Variants in ARHGEF7 observed in about 807,000 individuals in gnomAD.
ARHGEF7 encodes the protein Rho guanine nucleotide exchange factor 7.
In ARHGEF7, 33 loss-of-function variants were observed where a neutral mutation model predicts 109.8. That is an observed-to-expected ratio of 0.30 (90% CI 0.23 to 0.40). The LOEUF is 0.40. Among genes scored for constraint, ARHGEF7 ranks in the 10% least tolerant of loss-of-function variants. The probability of loss-of-function intolerance (pLI) is 1.00; values close to 1 mark genes in which losing one functional copy is unlikely to be tolerated. For missense variants in ARHGEF7, 938 were observed against 1,098.5 expected (o/e 0.85, Z 2.07); for synonymous variants, 458 against 424.6 (o/e 1.08, Z -0.97).
At chr13:111,150,340 A>G (rs1376434963) in intron 1 of ARHGEF7, among the ~76,000 whole-genome samples, 1 of 152,138 alleles carries the variant, frequency 6.6e-6, no homozygotes, top group Non-Finnish European at 1.5e-5. Flanking sequence ...CAATTCTTGG[A>G]GTCTTAGGGT....
At chr13:111,295,995 A>G (rs1159825507) in intron 19 of ARHGEF7, among the ~76,000 whole-genome samples, 2 of 152,230 alleles carry the variant, frequency 1.3e-5, no homozygotes, top group Admixed American at 6.5e-5. Flanking sequence ...CATGCACACC[A>G]CACTGGTGCC....
At chr13:111,283,447 TG>T in intron 16 of ARHGEF7, 84 bp downstream of exon 16, 1 of 1,483,850 alleles carries the variant, frequency 6.7e-7, no homozygotes, top group Non-Finnish European at 8.9e-7. Context: ...GGGCCTTCTG[TG>T]TACAGCAAAA....
At chr13:111,116,906 T>C (rs1441104976) in intron 1 of ARHGEF7, among the ~76,000 whole-genome samples, 3 of 152,238 alleles carry the variant, frequency 2.0e-5, no homozygotes, top group African/African-American at 7.2e-5. Context: ...AGAATCTGCA[T>C]ATTAGAGTGA....
At chr13:111,300,362 A>G (rs372677398) in intron 19 of ARHGEF7, among the ~76,000 whole-genome samples, 3 of 152,314 alleles carry the variant, frequency 2.0e-5, no homozygotes, top group South Asian at 2.1e-4. Context: ...CACTCACTGT[A>G]TATGTTCTGA....
intron 5 of ARHGEF7, 68 bp from the exon 6 acceptor site, chr13:111,233,137 T>A: frequency 7.6e-7 from 1 of 1,315,912 alleles, no homozygotes; most frequent in South Asian, 1.2e-5. Flanking sequence ...CCTTGGCCTG[T>A]GTGAGGGGCT....
chr13:111,210,325 A>G (rs1410954896), intron 4 of ARHGEF7, among the ~76,000 whole-genome samples: 1 of 152,234 alleles, frequency 6.6e-6, no homozygotes. Flanking sequence ...ATGCACATGT[A>G]CAGAAATATT....
intron 2 of ARHGEF7, chr13:111,159,129 C>T (rs893573530): frequency 1.5e-5 from 11 of 715,436 alleles, no homozygotes; most frequent in Non-Finnish European, 2.6e-5. Flanking sequence ...TAGGTGAGAT[C>T]GTGCAGTATT....
At chr13:111,294,908 T>C in intron 19 of ARHGEF7, 1 of 985,896 alleles carries the variant, frequency 1.0e-6, no homozygotes, top group East Asian at 1.1e-4. Context: ...TAATAAGCTA[T>C]ATTAATTGTG....
chr13:111,275,702 C>G, intron 12 of ARHGEF7, 24 bp downstream of exon 12: 1 of 1,613,842 alleles, frequency 6.2e-7, no homozygotes, highest in Admixed American at 1.7e-5. Context: ...CATGCACGCA[C>G]CAGGGTTTCT....
intron 5 of ARHGEF7, among the ~76,000 whole-genome samples, chr13:111,226,041 A>G (rs904807588): frequency 4.6e-5 from 7 of 152,240 alleles, no homozygotes; most frequent in Non-Finnish European, 1.0e-4. Flanking sequence ...GAAGGAAATT[A>G]TAAGTGCTAC....
chr13:111,164,570 A>G (rs979991764), intron 2 of ARHGEF7, among the ~76,000 whole-genome samples: 3 of 152,212 alleles, frequency 2.0e-5, no homozygotes, highest in Non-Finnish European at 2.9e-5. Context: ...TGCATTTCCA[A>G]TTCGTGCTGG....
chr13:111,124,235 C>T (rs569591259), intron 1 of ARHGEF7, among the ~76,000 whole-genome samples: 10 of 152,196 alleles, frequency 6.6e-5, no homozygotes, highest in Non-Finnish European at 1.2e-4. Context: ...TTCTTTTTTT[C>T]CATGTTGGAG....
intron 6 of ARHGEF7, among the ~76,000 whole-genome samples, chr13:111,236,278 A>G (rs2153532370): frequency 6.6e-6 from 1 of 152,322 alleles, no homozygotes; most frequent in South Asian, 2.1e-4. Flanking sequence ...CATATTTATA[A>G]CAGCTGCTTT....
At chr13:111,197,315 C>G (rs967660678) in intron 2 of ARHGEF7, among the ~76,000 whole-genome samples, 6 of 152,212 alleles carry the variant, frequency 3.9e-5, no homozygotes, top group African/African-American at 1.4e-4. Flanking sequence ...AGCAGAAACA[C>G]TAGTTTCCCT....
At chr13:111,231,100 G>C (rs2085982601) in intron 5 of ARHGEF7, among the ~76,000 whole-genome samples, 1 of 152,184 alleles carries the variant, frequency 6.6e-6, no homozygotes, top group Non-Finnish European at 1.5e-5. Context: ...CACACATGCT[G>C]ACGTGCGGCT....
At chr13:111,222,527 T>TCAAGCGATTCTCCTGCCC (rs1181501463) in intron 5 of ARHGEF7, among the ~76,000 whole-genome samples, 1 of 152,210 alleles carries the variant, frequency 6.6e-6, no homozygotes, top group African/African-American at 2.4e-5. Flanking sequence ...CTTCCTGGGT[T>TCAAGCGATTCTCCTGCCC]CAAGCGATTC....
intron 5 of ARHGEF7, among the ~76,000 whole-genome samples, chr13:111,225,489 T>G (rs773008058): frequency 2.0e-5 from 3 of 152,014 alleles, no homozygotes; most frequent in Non-Finnish European, 4.4e-5. Context: ...TATCTCACTT[T>G]ATTGCACTTT....
intron 19 of ARHGEF7, among the ~76,000 whole-genome samples, chr13:111,297,426 C>T (rs1405901672): frequency 6.6e-6 from 1 of 152,198 alleles, no homozygotes; most frequent in African/African-American, 2.4e-5. Context: ...TTAAGTGTAG[C>T]TGTAGAAATA....
chr13:111,161,471 T>G (rs2076737421), intron 2 of ARHGEF7, among the ~76,000 whole-genome samples: 1 of 152,228 alleles, frequency 6.6e-6, no homozygotes, highest in South Asian at 2.1e-4. Flanking sequence ...GCCCTTTGTG[T>G]CTGTCGTGAG....
Sources: gnomAD v4.1 joint callset for allele counts (sites outside exome capture counted in the v4.1 genomes callset) on GRCh38, gnomAD v4.1.1 for gene constraint, MANE v1.5 for transcripts, NCBI Gene and HGNC (gene_info 2026-07-23, HGNC 2026-07-21) for gene names.